CTNNA3: variants seen among roughly 807,000 people sequenced by gnomAD.
The protein encoded by CTNNA3 is catenin alpha 3.
CTNNA3 carries 76 observed loss-of-function variants against 95.7 expected under a neutral mutation model. The observed-to-expected ratio is 0.79, with a 90% CI of 0.66 to 0.96. CTNNA3 has a LOEUF of 0.96. Among genes scored for constraint, CTNNA3 ranks in the 40% least tolerant of loss-of-function variants. The pLI, the probability that CTNNA3 is intolerant of heterozygous loss-of-function variation, is 0.00. For synonymous variants in CTNNA3, 431 were observed against 374.4 expected, an observed-to-expected ratio of 1.15 and a Z score of -1.74; for missense variants, 1,191 against 1,089.8, an observed-to-expected ratio of 1.09 and a Z score of -1.31.
At chr10:66,899,930 T>C (rs192291325) in intron 7 of CTNNA3, among the ~76,000 whole-genome samples, 1 of 152,172 alleles carries the variant, frequency 6.6e-6, no homozygotes, top group Non-Finnish European at 1.5e-5. Context: ...AGGGCATAGC[T>C]CAACAAAAGG....
At chr10:67,510,055 T>G (rs1396774330) in intron 5 of CTNNA3, among the ~76,000 whole-genome samples, 1 of 152,368 alleles carries the variant, frequency 6.6e-6, no homozygotes, top group East Asian at 1.9e-4. Context: ...TCTTGTAAAT[T>G]TGTTTAACTT....
At chr10:66,347,330 GC>G (rs2092530339) in intron 12 of CTNNA3, among the ~76,000 whole-genome samples, 1 of 152,018 alleles carries the variant, frequency 6.6e-6, no homozygotes, top group Admixed American at 6.6e-5. Flanking sequence ...AGCCAAACAG[GC>G]TGGATGCCAT....
chr10:66,637,045 A>T (rs10997277), intron 9 of CTNNA3, among the ~76,000 whole-genome samples: 38,366 of 152,110 alleles, frequency 0.25, 5,959 homozygotes, highest in East Asian at 0.57. Context: ...TGAATTGTTT[A>T]ATAAAACTCT....
chr10:66,512,908 G>A, intron 11 of CTNNA3, among the ~76,000 whole-genome samples: 1 of 152,094 alleles, frequency 6.6e-6, no homozygotes. Flanking sequence ...TATGTGACTT[G>A]ATGCTTTCTT....
chr10:66,523,694 T>C (rs1672051798), intron 10 of CTNNA3, among the ~76,000 whole-genome samples: 1 of 152,188 alleles, frequency 6.6e-6, no homozygotes, highest in South Asian at 2.1e-4. Flanking sequence ...TCTGTCAGTT[T>C]ACCTTTGAAA....
chr10:66,840,588 T>C (rs1215709030), intron 7 of CTNNA3, among the ~76,000 whole-genome samples: 2 of 152,152 alleles, frequency 1.3e-5, no homozygotes, highest in Admixed American at 1.3e-4. Flanking sequence ...GAAAGAAGTC[T>C]TGAAAGTGAT....
intron 3 of CTNNA3, among the ~76,000 whole-genome samples, chr10:67,562,633 G>A (rs1841562710): frequency 6.6e-6 from 1 of 152,082 alleles, no homozygotes; most frequent in Non-Finnish European, 1.5e-5. Context: ...TGGAAGTTCT[G>A]GCCAGGGCAA....
intron 11 of CTNNA3, among the ~76,000 whole-genome samples, chr10:66,382,899 A>G (rs1198138780): frequency 2.6e-5 from 4 of 152,170 alleles, no homozygotes; most frequent in Admixed American, 1.3e-4. Flanking sequence ...CAACATCAAC[A>G]TCAACAAAAA....
intron 11 of CTNNA3, among the ~76,000 whole-genome samples, chr10:66,459,368 G>C (rs1423074910): frequency 6.6e-6 from 1 of 151,966 alleles, no homozygotes; most frequent in African/African-American, 2.4e-5. Context: ...ACTGCACACG[G>C]GTCAGCAATC....
chr10:66,404,674 T>A (rs1360278262), intron 11 of CTNNA3, among the ~76,000 whole-genome samples: 1 of 152,158 alleles, frequency 6.6e-6, no homozygotes, highest in Non-Finnish European at 1.5e-5. Context: ...ACACTTTAGG[T>A]CAGACTTCTC....
At chr10:67,391,070 A>T (rs976288957) in intron 5 of CTNNA3, among the ~76,000 whole-genome samples, 10 of 150,572 alleles carry the variant, frequency 6.6e-5, no homozygotes, top group Admixed American at 6.6e-4. Flanking sequence ...ATTAGGCAGG[A>T]GAAGGAAATA....
At chr10:67,392,297 G>A (rs1464681786) in intron 5 of CTNNA3, among the ~76,000 whole-genome samples, 3 of 152,080 alleles carry the variant, frequency 2.0e-5, no homozygotes, top group Admixed American at 6.6e-5. Context: ...CAACAGACAC[G>A]TGAAAAAATG....
In CTNNA3 at chr10:66,481,531, G is replaced by T. The variant is rs1187669500; in HGVS notation, c.1531+39086C>A. Among the ~76,000 whole-genome samples, 8 of 127,880 alleles carry T rather than the reference G, an allele frequency of 6.3e-5. 2 individuals carry two copies. The highest frequency in any genetic ancestry group is 2.5e-4 in the African/African-American group (8 of 31,540). The allele number at this position is 127,880 out of a possible 152,430, so 83.9% of individuals were successfully genotyped here. ...CTGTCGCCCAGGCTGGACTGCAGTG[G>T]CACGATCTCGGCTCACTGCAAGCTC... On this transcript the variant is annotated intron_variant, in intron 11 of 17. Transcript: ENST00000433211.
chr10:66,447,538 G>T (rs1436244584), intron 11 of CTNNA3, among the ~76,000 whole-genome samples: 3 of 151,658 alleles, frequency 2.0e-5, no homozygotes, highest in Non-Finnish European at 4.4e-5. Flanking sequence ...ACAACCCTCT[G>T]ATCTTTGACA....
chr10:66,713,758 C>A (rs1439642940), intron 9 of CTNNA3, among the ~76,000 whole-genome samples: 1 of 152,160 alleles, frequency 6.6e-6, no homozygotes, highest in Non-Finnish European at 1.5e-5. Context: ...CAAGTCACTC[C>A]TCCCAATAAA....
At chr10:67,442,095 T>G (rs1297096307) in intron 5 of CTNNA3, among the ~76,000 whole-genome samples, 2 of 152,158 alleles carry the variant, frequency 1.3e-5, no homozygotes, top group Non-Finnish European at 2.9e-5. Context: ...AGTGTAGAGT[T>G]TTTATTAGTT....
intron 11 of CTNNA3, among the ~76,000 whole-genome samples, chr10:66,476,341 C>T (rs1246419419): frequency 6.6e-6 from 1 of 152,066 alleles, no homozygotes; most frequent in East Asian, 1.9e-4. Flanking sequence ...ACCAAAACTG[C>T]ACATCCTGCA....
intron 13 of CTNNA3, among the ~76,000 whole-genome samples, chr10:66,209,564 A>AGCGT (rs1197858958): frequency 6.6e-6 from 1 of 152,188 alleles, no homozygotes; most frequent in Admixed American, 6.6e-5. Context: ...TTAAGGGAAC[A>AGCGT]GTAAGGAAGG....
intron 5 of CTNNA3, among the ~76,000 whole-genome samples, chr10:67,309,028 AT>A (rs897715446): frequency 1.3e-5 from 2 of 152,164 alleles, no homozygotes; most frequent in Admixed American, 6.5e-5. Context: ...TGCTGAGAGG[AT>A]GTTACTTCAT....
Sources: allele counts gnomAD v4.1 joint callset (sites outside exome capture counted in the v4.1 genomes callset), GRCh38; gene constraint gnomAD v4.1.1; transcripts MANE v1.5; gene names NCBI Gene and HGNC (gene_info 2026-07-23, HGNC 2026-07-21).